The following APAF1 variants were observed in gnomAD, a reference collection of about 807,000 sequenced individuals.
The protein encoded by APAF1 is apoptotic protease-activating factor 1.
A neutral mutation model predicts 152.4 loss-of-function variants in APAF1; 91 were observed. That is an observed-to-expected ratio of 0.60 (90% CI 0.50 to 0.71). The LOEUF is 0.71. Ranked by LOEUF, APAF1 falls within the 30% of genes least tolerant of loss-of-function variation. The pLI, the probability that APAF1 is intolerant of heterozygous loss-of-function variation, is 0.00. For synonymous variants in APAF1, 484 were observed against 494.1 expected, an observed-to-expected ratio of 0.98 and a Z score of 0.27; for missense variants, 1,283 against 1,472.0, an observed-to-expected ratio of 0.87 and a Z score of 2.10.
chr12:98,671,346 G>T (rs900534690), intron 11 of APAF1, among the ~76,000 whole-genome samples, 189 bp from the exon 12 acceptor site: 3 of 152,002 alleles, frequency 2.0e-5, no homozygotes, highest in Non-Finnish European at 2.9e-5. Flanking sequence ...TTGATAATGA[G>T]ATTTTTACCC....
chr12:98,721,018 T>C (rs578044186), intron 22 of APAF1, among the ~76,000 whole-genome samples: 72 of 152,304 alleles, frequency 4.7e-4, no homozygotes, highest in Middle Eastern at 6.8e-3. Flanking sequence ...TTAAATTTTA[T>C]TCATATAGCT....
At chr12:98,672,657 A>G (rs1444015943) in intron 12 of APAF1, among the ~76,000 whole-genome samples, 1 of 152,144 alleles carries the variant, frequency 6.6e-6, no homozygotes, top group Non-Finnish European at 1.5e-5. Flanking sequence ...ATAGCTATTA[A>G]TACCATCTTT....
intron 15 of APAF1, among the ~76,000 whole-genome samples, chr12:98,685,699 G>A (rs962771651): frequency 1.3e-5 from 2 of 151,788 alleles, no homozygotes; most frequent in African/African-American, 2.4e-5. Flanking sequence ...GCAGTGGAGC[G>A]ATCTTGGCTC....
rs538457375 is a variant in APAF1, at chr12:98,694,074, T to C, written c.2305-5334T>C. ...TGGTGCTGGGATAACTGGCTAGCCA[T>C]ATGCAGAAGAATGAAACTAGACCTT... is the stretch of plus-strand genomic sequence containing the variant. On this transcript the variant is annotated intron_variant, in intron 16 of 26. Coordinates refer to ENST00000551964, the MANE Select transcript of APAF1 (RefSeq NM_181861.2). 2.6e-5 allele frequency among the ~76,000 whole-genome samples: 4 copies of C among 152,272 alleles called. No individual in the cohort carries two copies. The South Asian group carries it at 6.2e-4, about 24-fold the overall frequency.
intron 22 of APAF1, among the ~76,000 whole-genome samples, chr12:98,718,668 G>T (rs972907830): frequency 6.6e-6 from 1 of 152,094 alleles, no homozygotes; most frequent in Non-Finnish European, 1.5e-5. Context: ...GGGCGCAGCG[G>T]CTCACACCTT....
rs773514371 is a variant in APAF1 at position 98,662,431 on chromosome 12, GATTA to G, written c.711-22_711-19del. The G allele has an allele frequency of 1.8e-5, 27 of 1,497,368 alleles. No individual in the cohort carries two copies. In the South Asian group the frequency reaches 2.9e-4, roughly 16 times the overall value. The allele number at this position is 1,497,368 out of a possible 1,614,324, so 92.8% of individuals were successfully genotyped here. A position where few individuals can be genotyped will look rare whatever the true frequency, so the allele number is the denominator to read the frequency against. On this transcript the variant is annotated intron_variant, in intron 5 of 26. Transcript: ENST00000551964. ...GAAGCTTAAGATAAGTGTCATTAGT[GATTA>G]ATATTTTTTTTTTAAATTAGGTCTC...
rs772209593 is a variant in APAF1, at chr12:98,680,405, A to G, written c.2046+3A>G. On this transcript the variant is annotated splice_donor_region_variant and intron_variant, in intron 14 of 26. Transcript: ENST00000551964. ...GCTCAGTGGATAAAAAAGTGAAGGT[A>G]GGAAAATCTTTTCCTCTTGAGTTGT... 37 of 1,612,700 alleles carry G rather than the reference A, an allele frequency of 2.3e-5. No homozygotes were observed. Among genetic ancestry groups the G allele is most frequent in the Non-Finnish European group, 3.1e-5 (36 of 1,179,924 alleles).
Position 98,708,577 on chromosome 12 carries a change from T to C in APAF1, c.2722-8T>C, listed in dbSNP as rs373558323. 25 of 1,612,020 alleles carry C rather than the reference T, an allele frequency of 1.6e-5. No homozygotes were observed. Among genetic ancestry groups the C allele is most frequent in the Non-Finnish European group, 2.1e-5 (25 of 1,178,910 alleles). ...GATGGAATGATAATTTCTTTATCTC[T>C]TAATCAGCTCTGGGAGACAAAGAAA... On this transcript the variant is annotated splice_region_variant and splice_polypyrimidine_tract_variant and intron_variant, in intron 19 of 26. Coordinates refer to ENST00000551964, the MANE Select transcript of APAF1 (RefSeq NM_181861.2).
At chr12:98,698,816 G>A (rs2097712303) in intron 16 of APAF1, among the ~76,000 whole-genome samples, 1 of 152,216 alleles carries the variant, frequency 6.6e-6, no homozygotes, top group African/African-American at 2.4e-5. Context: ...TGCTATTCAA[G>A]TGGTCCTACT....
Position 98,715,513 on chromosome 12 carries a change from G to A in APAF1, c.3045G>A (p.Glu1015=), listed in dbSNP as rs758155975. Residue 1015 remains glutamate (E), a synonymous_variant, in exon 22 of 27, where the codon GAG becomes GAA. Transcript: ENST00000551964. The part of the protein sequence containing the change: ...TVWHIQFTAD[E]KTLISSSDDA... ...GGCACATCCAGTTCACAGCCGATGA[G>A]AAGACTCTTATTTCAAGTTCTGATG... 1.9e-6 allele frequency: 3 copies of A among 1,613,738 alleles called. No homozygotes were observed. The Admixed American group carries it at 5.0e-5, about 27-fold the overall frequency.
chr12:98,708,914 T>C (rs2097724771), intron 20 of APAF1, among the ~76,000 whole-genome samples: 1 of 152,234 alleles, frequency 6.6e-6, no homozygotes, highest in African/African-American at 2.4e-5. Flanking sequence ...CTCATCTCAC[T>C]GCTCTTCTGT....
chr12:98,649,341 G>C (rs1220325060), intron 3 of APAF1, 146 bp from the exon 4 acceptor site: 2 of 1,294,716 alleles, frequency 1.5e-6, no homozygotes, highest in African/African-American at 1.5e-5. Flanking sequence ...TCAGAAAATT[G>C]AAGTTAATAT....
rs777352704 is a variant in APAF1 at position 98,699,539 on chromosome 12, G to T, written c.2436G>T (p.Arg812Ser). ...KCCSWSADGA[R>S]IMVAAKNKIF... ...GTTCGTGGTCTGCTGATGGTGCAAG[G>T]ATAATGGTGGCAGCAAAAAATAAAA... The change falls in exon 17 of 27, where the codon AGG (arginine) becomes AGT (serine). Residue 812 changes from arginine (R) to serine (S), a missense_variant. Coordinates refer to ENST00000551964, the MANE Select transcript of APAF1 (RefSeq NM_181861.2). The T allele has an allele frequency of 6.2e-7, 1 of 1,614,158 alleles. No individual in the cohort carries two copies. Among genetic ancestry groups the T allele is most frequent in the Non-Finnish European group, 8.5e-7 (1 of 1,180,014 alleles).
At position 98,666,360 on chromosome 12, in the gene APAF1, A is replaced by G. The variant is rs2097672710; in HGVS notation, c.1362+3A>G. 1 of 1,610,018 alleles carries G rather than the reference A, an allele frequency of 6.2e-7. No homozygotes were observed. The highest frequency in any genetic ancestry group is 1.3e-5 in the African/African-American group (1 of 74,714). On this transcript the variant is annotated splice_donor_region_variant and intron_variant, in intron 9 of 26. Transcript: ENST00000551964. ...AGAAGAATTGCAGCCAGCTTCAGGT[A>G]CTTGCATCTTGGTTTACTTTTTTTT...
At chr12:98,686,018 TA>T (rs1025712143) in intron 15 of APAF1, among the ~76,000 whole-genome samples, 2 of 152,228 alleles carry the variant, frequency 1.3e-5, no homozygotes, top group African/African-American at 4.8e-5. Context: ...ATCTTAAATA[TA>T]AATACTATGT....
At chr12:98,728,647 G>A (rs148758248) in intron 26 of APAF1, among the ~76,000 whole-genome samples, 21 of 152,160 alleles carry the variant, frequency 1.4e-4, no homozygotes, top group African/African-American at 4.6e-4. Flanking sequence ...CTTGAACCCC[G>A]GGGGAGCAGA....
At chr12:98,646,648 G>A (rs1044465953) in intron 1 of APAF1, among the ~76,000 whole-genome samples, 1 of 152,052 alleles carries the variant, frequency 6.6e-6, no homozygotes, top group African/African-American at 2.4e-5. Context: ...ATATAGGGAG[G>A]GGCACAAATG....
At chr12:98,716,628 G>A (rs1360700860) in intron 22 of APAF1, among the ~76,000 whole-genome samples, 1 of 152,134 alleles carries the variant, frequency 6.6e-6, no homozygotes, top group Non-Finnish European at 1.5e-5. Context: ...GAAATTTCCT[G>A]ATGATACACT....
intron 1 of APAF1, among the ~76,000 whole-genome samples, chr12:98,647,838 A>G (rs1373714183): frequency 6.6e-6 from 1 of 150,750 alleles, no homozygotes; most frequent in Non-Finnish European, 1.5e-5. Flanking sequence ...TTTAAAATCT[A>G]TATTCAGAAT....
Sources: allele counts gnomAD v4.1 joint callset (sites outside exome capture counted in the v4.1 genomes callset), GRCh38; gene constraint gnomAD v4.1.1; transcripts MANE v1.5; gene names NCBI Gene and HGNC (gene_info 2026-07-23, HGNC 2026-07-21).